The following PARD3 variants were observed in gnomAD, a reference collection of about 807,000 sequenced individuals.
PARD3 encodes par-3 family cell polarity regulator, also known as partitioning defective 3 homolog.
In PARD3, 75 loss-of-function variants were observed where a neutral mutation model predicts 155.4. The observed-to-expected ratio is 0.48, with a 90% CI of 0.40 to 0.58. The LOEUF is 0.58. Among genes scored for constraint, PARD3 ranks in the 20% least tolerant of loss-of-function variants. The pLI, the probability that PARD3 is intolerant of heterozygous loss-of-function variation, is 0.00. For missense variants in PARD3, 1,642 were observed against 1,721.7 expected (o/e 0.95, Z 0.82); for synonymous variants, 576 against 610.5 (o/e 0.94, Z 0.83).
chr10:34,393,537 T>G (rs1451558021), intron 7 of PARD3, among the ~76,000 whole-genome samples: 4 of 149,978 alleles, frequency 2.7e-5, no homozygotes, highest in Non-Finnish European at 4.4e-5. Context: ...GCCACTACTC[T>G]CCAGCCCGGG....
chr10:34,737,707 C>CA (rs1360504653), intron 1 of PARD3, among the ~76,000 whole-genome samples: 1 of 152,220 alleles, frequency 6.6e-6, no homozygotes, highest in Non-Finnish European at 1.5e-5. Flanking sequence ...TCCAGGCCCA[C>CA]ACCAGACACT....
chr10:34,631,929 G>T (rs1007539951), intron 2 of PARD3, among the ~76,000 whole-genome samples: 59 of 152,156 alleles, frequency 3.9e-4, no homozygotes, highest in African/African-American at 1.3e-3. Context: ...GATGTTTTGG[G>T]TTTTTTAAGT....
At chr10:34,339,039 A>G (rs1836506365) in intron 16 of PARD3, among the ~76,000 whole-genome samples, 1 of 152,210 alleles carries the variant, frequency 6.6e-6, no homozygotes, top group African/African-American at 2.4e-5. Flanking sequence ...GAGAGCACAT[A>G]CACCCAAGTG....
chr10:34,629,482 T>C (rs2092152930), intron 2 of PARD3, among the ~76,000 whole-genome samples: 1 of 152,158 alleles, frequency 6.6e-6, no homozygotes, highest in African/African-American at 2.4e-5. Flanking sequence ...CACGTTAAGG[T>C]CAATGAATCC....
At chr10:34,624,858 G>A (rs534813462) in intron 2 of PARD3, among the ~76,000 whole-genome samples, 51 of 152,310 alleles carry the variant, frequency 3.3e-4, no homozygotes, top group African/African-American at 1.2e-3. Flanking sequence ...CTCTGAGAAA[G>A]CCTCCCATGC....
At chr10:34,399,829 G>A (rs1373327056) in intron 6 of PARD3, among the ~76,000 whole-genome samples, 1 of 152,194 alleles carries the variant, frequency 6.6e-6, no homozygotes, top group East Asian at 1.9e-4. Flanking sequence ...CAAAGATGTT[G>A]CAGCTACCAA....
At chr10:34,739,624 C>T (rs1264353586) in intron 1 of PARD3, among the ~76,000 whole-genome samples, 1 of 152,154 alleles carries the variant, frequency 6.6e-6, no homozygotes, top group Non-Finnish European at 1.5e-5. Context: ...ATAAGCATCA[C>T]GGTCCTATTG....
chr10:34,491,401 T>C (rs958281548), intron 3 of PARD3, among the ~76,000 whole-genome samples: 5 of 152,266 alleles, frequency 3.3e-5, no homozygotes, highest in Non-Finnish European at 5.9e-5. Context: ...GAAAAAGTTA[T>C]ATAGAAATAA....
chr10:34,187,580 T>A (rs1222582187), intron 22 of PARD3, among the ~76,000 whole-genome samples: 3 of 152,134 alleles, frequency 2.0e-5, no homozygotes, highest in African/African-American at 7.2e-5. Flanking sequence ...CACAAGGAAG[T>A]CACAAAGAAT....
rs2083289117 is a variant in PARD3, at chr10:34,537,243, A to T, written c.223-20084T>A. 3.9e-5 allele frequency among the ~76,000 whole-genome samples: 6 copies of T among 152,158 alleles called. No individual in the cohort carries two copies. The South Asian group carries it at 1.2e-3, about 32-fold the overall frequency. On this transcript the variant is annotated intron_variant, in intron 2 of 24. Transcript: ENST00000374788. ...ATCTCAAAATTCCTGACTTCAGGTG[A>T]TCCTCCCACCTTGGCCTCCCAAAGC...
At chr10:34,255,330 C>A (rs947812596) in intron 22 of PARD3, among the ~76,000 whole-genome samples, 1 of 152,220 alleles carries the variant, frequency 6.6e-6, no homozygotes, top group African/African-American at 2.4e-5. Flanking sequence ...TGGTCCTCTA[C>A]AACCTCAGCA....
chr10:34,797,597 G>T (rs1469608743), intron 1 of PARD3, among the ~76,000 whole-genome samples: 5 of 152,220 alleles, frequency 3.3e-5, no homozygotes, highest in African/African-American at 1.2e-4. Context: ...TGCAAGAGAA[G>T]TATTCTGTCC....
At chr10:34,478,511 A>C (rs1460607220) in intron 3 of PARD3, among the ~76,000 whole-genome samples, 1 of 152,194 alleles carries the variant, frequency 6.6e-6, no homozygotes, top group Non-Finnish European at 1.5e-5. Context: ...CAACACACAT[A>C]AGGAGGGAAA....
intron 2 of PARD3, among the ~76,000 whole-genome samples, chr10:34,568,517 A>C (rs1397329236): frequency 3.9e-5 from 6 of 152,248 alleles, no homozygotes; most frequent in Non-Finnish European, 8.8e-5. Context: ...GAAATAAGAT[A>C]TAAAAATCAT....
chr10:34,768,926 C>A (rs61281038), intron 1 of PARD3, among the ~76,000 whole-genome samples: 43,513 of 152,116 alleles, frequency 0.29, 6,545 homozygotes, highest in East Asian at 0.54. Flanking sequence ...CTCCAGTTCA[C>A]GTCACCCTCG....
At chr10:34,594,598 A>G (rs948212008) in intron 2 of PARD3, among the ~76,000 whole-genome samples, 5 of 152,178 alleles carry the variant, frequency 3.3e-5, no homozygotes, top group Non-Finnish European at 5.9e-5. Context: ...GTAGAGGAGG[A>G]CGACAAAAAG....
intron 1 of PARD3, among the ~76,000 whole-genome samples, chr10:34,808,627 T>C (rs1162310554): frequency 6.6e-6 from 1 of 152,138 alleles, no homozygotes; most frequent in African/African-American, 2.4e-5. Context: ...CAATCTTACA[T>C]GTTTATTTCC....
At chr10:34,282,199 A>G (rs1234751473) in intron 21 of PARD3, among the ~76,000 whole-genome samples, 1 of 152,042 alleles carries the variant, frequency 6.6e-6, no homozygotes, top group Non-Finnish European at 1.5e-5. Flanking sequence ...ATACTTGCAA[A>G]AAGTTGTTAT....
intron 2 of PARD3, among the ~76,000 whole-genome samples, chr10:34,571,306 C>G (rs576693072): frequency 2.0e-5 from 3 of 151,888 alleles, no homozygotes; most frequent in Non-Finnish European, 4.4e-5. Flanking sequence ...AGAGGAAGAC[C>G]CCGTCTTAAA....
Sources: allele counts gnomAD v4.1 joint callset (sites outside exome capture counted in the v4.1 genomes callset), GRCh38; gene constraint gnomAD v4.1.1; transcripts MANE v1.5; gene names NCBI Gene and HGNC (gene_info 2026-07-23, HGNC 2026-07-21).